Variants in FRMPD4 observed in about 807,000 individuals in gnomAD.
FRMPD4 encodes FERM and PDZ domain containing 4.
FRMPD4 carries 22 observed loss-of-function variants against 94.1 expected under a neutral mutation model. That is an observed-to-expected ratio of 0.23 (90% CI 0.17 to 0.33). The LOEUF is 0.33. FRMPD4 is among the 10% of genes least tolerant of loss of function. FRMPD4 has a pLI of 1.00. For missense variants in FRMPD4, 1,111 were observed against 1,339.9 expected (o/e 0.83, Z 2.67); for synonymous variants, 631 against 548.6 (o/e 1.15, Z -2.10).
chrX:12,238,206 C>A (rs1227564060), intron 1 of FRMPD4, among the ~76,000 whole-genome samples: 1 of 111,861 alleles, frequency 8.9e-6, no homozygotes, highest in Non-Finnish European at 1.9e-5. Context: ...CTCACCACAA[C>A]CTCCGCTTCC....
chrX:12,000,871 G>T (rs1036454441), intron 3 of FRMPD4, among the ~76,000 whole-genome samples: 1 of 111,649 alleles, frequency 9.0e-6, no homozygotes, highest in Non-Finnish European at 1.9e-5. Context: ...GATTTTTTTT[G>T]AATGAATGAG....
chrX:12,517,051 C>T (rs1432803581), intron 2 of FRMPD4, among the ~76,000 whole-genome samples: 1 of 109,866 alleles, frequency 9.1e-6, no homozygotes, highest in African/African-American at 3.3e-5. Context: ...TTTTCAGCTC[C>T]GTCAGGTCAT....
At chrX:12,221,767 C>G (rs1297178477) in intron 1 of FRMPD4, among the ~76,000 whole-genome samples, 2 of 111,707 alleles carry the variant, frequency 1.8e-5, no homozygotes, top group African/African-American at 6.5e-5. Flanking sequence ...TTAGATGTAG[C>G]TTCAATTTGG....
chrX:12,498,993 A>G (rs34474447), intron 2 of FRMPD4, among the ~76,000 whole-genome samples, 197 bp downstream of exon 2: 1,603 of 110,628 alleles, frequency 0.014, 15 homozygotes, highest in Non-Finnish European at 0.023. Context: ...ATATTTCTAT[A>G]TATTGTGATG....
chrX:12,585,844 A>G (rs1228965742), intron 2 of FRMPD4, among the ~76,000 whole-genome samples: 2 of 112,532 alleles, frequency 1.8e-5, no homozygotes, highest in East Asian at 5.5e-4. Context: ...TAGATTGATT[A>G]TATGTTTAAA....
chrX:12,706,723 G>A (rs146386267), intron 11 of FRMPD4, 103 bp from the exon 12 acceptor site: 8 of 434,022 alleles, frequency 1.8e-5, no homozygotes, highest in East Asian at 1.5e-4. Context: ...CTTTTCAGCC[G>A]TAAAATCATC....
chrX:12,496,433 T>C (rs949168079), intron 1 of FRMPD4, among the ~76,000 whole-genome samples: 1 of 111,616 alleles, frequency 9.0e-6, no homozygotes, highest in African/African-American at 3.3e-5. Context: ...AATCTGTATA[T>C]TTAACAAGTG....
intron 1 of FRMPD4, among the ~76,000 whole-genome samples, chrX:12,325,545 C>T (rs961372242): frequency 1.8e-5 from 2 of 112,583 alleles, no homozygotes; most frequent in African/African-American, 6.5e-5. Flanking sequence ...TGCCGTATAG[C>T]ATGAAAGCAG....
At chrX:12,318,761 TAAAAG>T (rs1376927811) in intron 1 of FRMPD4, among the ~76,000 whole-genome samples, 1 of 111,141 alleles carries the variant, frequency 9.0e-6, no homozygotes, top group Non-Finnish European at 1.9e-5. Flanking sequence ...TGCAAATAGC[TAAAAG>T]AAAAGATTTG....
intron 3 of FRMPD4, among the ~76,000 whole-genome samples, chrX:11,882,173 C>A (rs973730601): frequency 1.8e-5 from 2 of 110,947 alleles, no homozygotes; most frequent in Admixed American, 1.9e-4. Flanking sequence ...GGGGGAATTC[C>A]CAGGGAAAGA....
intron 1 of FRMPD4, among the ~76,000 whole-genome samples, chrX:12,457,653 T>G (rs1016056247): frequency 8.9e-6 from 1 of 112,187 alleles, no homozygotes; most frequent in Non-Finnish European, 1.9e-5. Context: ...TTCACTATAT[T>G]TCCTTTCTGC....
At chrX:12,588,313 A>G (rs979869003) in intron 2 of FRMPD4, among the ~76,000 whole-genome samples, 1 of 112,462 alleles carries the variant, frequency 8.9e-6, no homozygotes, top group African/African-American at 3.2e-5. Context: ...ATGATGAAGG[A>G]AACTTCATGA....
At chrX:12,680,770 G>T (rs939608432) in intron 5 of FRMPD4, among the ~76,000 whole-genome samples, 1 of 111,359 alleles carries the variant, frequency 9.0e-6, no homozygotes, top group Non-Finnish European at 1.9e-5. Context: ...ATACAGGAAT[G>T]AAGTTACATA....
chrX:12,133,209 ATTTAT>A (rs60859880), intron 3 of FRMPD4, among the ~76,000 whole-genome samples: 22,875 of 97,938 alleles, frequency 0.23, 2,555 homozygotes, highest in South Asian at 0.42. Flanking sequence ...GTTTCTAAAA[ATTTAT>A]TTTATTTTAT....
In FRMPD4 at chrX:12,237,620, A is replaced by G. The variant is rs763027790; in HGVS notation, c.41+98608A>G. On this transcript the variant is annotated intron_variant, in intron 1 of 16. Transcript: ENST00000675598. Reference sequence around the variant, plus strand: ...GATTTCTGGAAAGTTGGTCATTCAAATATTTTTTACTACTCCTTTCTCTTT... The same window carrying G: ...GATTTCTGGAAAGTTGGTCATTCAAGTATTTTTTACTACTCCTTTCTCTTT... 3.6e-5 allele frequency among the ~76,000 whole-genome samples: 4 copies of G among 112,248 alleles called. No homozygotes were observed. The South Asian group carries it at 1.5e-3, about 42-fold the overall frequency.
intron 16 of FRMPD4, among the ~76,000 whole-genome samples, chrX:12,720,058 GAAAGA>G (rs2042202988): frequency 1.4e-5 from 1 of 72,162 alleles, no homozygotes; most frequent in South Asian, 5.0e-4. Flanking sequence ...AGGAAAGAAA[GAAAGA>G]AAGAAAGAAA....
chrX:12,069,822 A>T (rs2054951361), intron 3 of FRMPD4, among the ~76,000 whole-genome samples: 1 of 111,680 alleles, frequency 9.0e-6, no homozygotes, highest in Non-Finnish European at 1.9e-5. Flanking sequence ...TAGCATATCA[A>T]ATATGCAAAT....
chrX:12,173,933 C>T (rs970521049), intron 1 of FRMPD4, among the ~76,000 whole-genome samples: 2 of 111,534 alleles, frequency 1.8e-5, no homozygotes, highest in Admixed American at 1.9e-4. Context: ...CAGGGCTCCA[C>T]TGTACATGAA....
chrX:12,052,582 G>C (rs759453095), intron 3 of FRMPD4, among the ~76,000 whole-genome samples: 1 of 112,309 alleles, frequency 8.9e-6, no homozygotes, highest in Non-Finnish European at 1.9e-5. Flanking sequence ...CTGTCACTCT[G>C]CGACATTGGG....
Sources: allele counts gnomAD v4.1 joint callset (sites outside exome capture counted in the v4.1 genomes callset), GRCh38; gene constraint gnomAD v4.1.1; transcripts MANE v1.5; gene names NCBI Gene and HGNC (gene_info 2026-07-23, HGNC 2026-07-21).